The following RYR1 variants were observed in gnomAD, a reference collection of about 807,000 sequenced individuals.
RYR1 encodes the protein ryanodine receptor 1, also known as central core disease of muscle.
RYR1 carries 342 observed loss-of-function variants against 583.5 expected under a neutral mutation model. That is an observed-to-expected ratio of 0.59 (90% confidence interval 0.54 to 0.64). RYR1 has a LOEUF of 0.64. Ranked by LOEUF, RYR1 falls within the 30% of genes least tolerant of loss-of-function variation. The pLI, the probability that RYR1 is intolerant of heterozygous loss-of-function variation, is 0.00. For missense variants in RYR1, 6,032 were observed against 6,917.2 expected (o/e 0.87, Z 4.54); for synonymous variants, 2,791 against 2,822.5 (o/e 0.99, Z 0.35).
chr19:38,512,480 A>T lies in RYR1; in HGVS notation c.9469A>T (p.Ile3157Phe), dbSNP rs1374173406. ...CCAGCACCAGTTCGGAGATGACGTC[A>T]TCCGTAAGGGCGCCTGACCCAAGGG... is the stretch of plus-strand genomic sequence containing the variant. ...IAQHQFGDDVILDDVQVSCYR... is the reference protein window; with the variant it reads ...IAQHQFGDDVFLDDVQVSCYR... The change falls in exon 63 of 106, where the codon ATC becomes TTC. Residue 3157 changes from isoleucine to phenylalanine, a missense_variant. Ile to Phe is a conservative substitution (Grantham distance 21). This residue lies in a region of RYR1 where 1,493 missense variants were observed against 1,715.5 expected (regional missense o/e 0.87). Coordinates refer to ENST00000359596, the MANE Select transcript of RYR1 (RefSeq NM_000540.3). This position sits in a 1 kb window ranked among gnomAD's most constrained non-coding sequence, Gnocchi z 5.1. 3 of 1,610,572 alleles carry T rather than the reference A, an allele frequency of 1.9e-6. No homozygotes were observed. Among genetic ancestry groups the T allele is most frequent in the Non-Finnish European group, 2.5e-6 (3 of 1,180,000 alleles).
At chr19:38,449,546 A>G (rs1568441875) in intron 11 of RYR1, among the ~76,000 whole-genome samples, 1 of 152,226 alleles carries the variant, frequency 6.6e-6, no homozygotes, top group African/African-American at 2.4e-5. Context: ...AATAACTTTC[A>G]ACAAACAATT....
chr19:38,534,951 T>TG, intron 79 of RYR1, 132 bp downstream of exon 79: 1 of 1,129,492 alleles, frequency 8.9e-7, no homozygotes, highest in Non-Finnish European at 1.3e-6. Flanking sequence ...CCCCAGCCCT[T>TG]GCAGCTTCCC....
At chr19:38,521,463 C>G (rs1258129553) in intron 67 of RYR1, among the ~76,000 whole-genome samples, 2 of 151,668 alleles carry the variant, frequency 1.3e-5, no homozygotes, top group Admixed American at 1.3e-4. Context: ...CACTCAAACT[C>G]AGTCTCAAAC....
rs146159174 is a variant in RYR1, at chr19:38,502,500, G to A, written c.7615-7G>A. 1,401 of 1,603,402 alleles carry A rather than the reference G, an allele frequency of 8.7e-4. 13 individuals carry two copies. The African/African-American group carries it at 0.017, about 19-fold the overall frequency. On this transcript the variant is annotated splice_polypyrimidine_tract_variant and splice_region_variant and intron_variant, in intron 47 of 105. Coordinates refer to ENST00000359596, the MANE Select transcript of RYR1 (RefSeq NM_000540.3). The stretch of plus-strand genomic sequence containing the variant: ...AGCGGGCCTGATGTCCTCACCCTGC[G>A]CCCTAGGCCACTTTCAGCACCACCG...
chr19:38,551,606 G>A (rs773855836), intron 89 of RYR1, among the ~76,000 whole-genome samples: 22 of 151,976 alleles, frequency 1.4e-4, no homozygotes, highest in Non-Finnish European at 2.9e-4. Flanking sequence ...GCCGGCTTCC[G>A]TCCCTGTCAG....
In RYR1 at chr19:38,490,156, T is replaced by C. The variant is rs1394957449; in HGVS notation, c.5895T>C (p.Tyr1965=). Residue 1965 remains tyrosine, a synonymous_variant, in exon 36 of 106, where the codon TAT becomes TAC. Transcript: ENST00000359596. The part of the protein sequence containing the change: ...VESLAAFAER[Y]VDKLQANQRS... The stretch of plus-strand genomic sequence containing the variant: ...CCCTGGCAGCCTTTGCGGAGCGCTA[T>C]GTGGACAAGCTCCAGGCCAACCAGC... 1.9e-6 allele frequency: 3 copies of C among 1,614,270 alleles called. No individual in the cohort carries two copies. The highest frequency in any genetic ancestry group is 2.2e-5 in the East Asian group (1 of 44,890).
chr19:38,454,238 C>T (rs1474624230), intron 13 of RYR1, among the ~76,000 whole-genome samples: 1 of 152,148 alleles, frequency 6.6e-6, no homozygotes, highest in Non-Finnish European at 1.5e-5. Flanking sequence ...TGGGGTTTCG[C>T]CATGTTGGCC....
chr19:38,567,127 G>A, intron 92 of RYR1, 140 bp downstream of exon 92: 1 of 1,336,288 alleles, frequency 7.5e-7, no homozygotes, highest in Non-Finnish European at 1.0e-6. Flanking sequence ...AGGCACGGAG[G>A]AGGGGCTCTG....
Position 38,543,747 on chromosome 19 carries a change from C to T in RYR1, c.11908-24C>T, listed in dbSNP as rs76698386. On this transcript the variant is annotated intron_variant, in intron 86 of 105. Coordinates refer to ENST00000359596, the MANE Select transcript of RYR1 (RefSeq NM_000540.3). The surrounding 1 kb of genome is among the most constrained non-coding windows in gnomAD (Gnocchi z 4.4). ...TCCCTTCTCGGGGATTCCCTTCCCC[C>T]CCACACGGCACTCTGCCTCCCAGGG... 1.9e-6 allele frequency: 3 copies of T among 1,611,694 alleles called. No homozygotes were observed. The highest frequency in any genetic ancestry group is 2.5e-6 in the Non-Finnish European group (3 of 1,179,954).
intron 33 of RYR1, among the ~76,000 whole-genome samples, chr19:38,484,805 AT>A (rs897444153): frequency 1.5e-4 from 22 of 149,578 alleles, no homozygotes; most frequent in East Asian, 5.9e-4. Context: ...CCGTCTCCAC[AT>A]TTTTTTTTTC....
intron 97 of RYR1, among the ~76,000 whole-genome samples, 196 bp from the exon 98 acceptor site, chr19:38,577,722 G>A (rs1183542688): frequency 1.3e-5 from 2 of 152,110 alleles, no homozygotes; most frequent in African/African-American, 4.8e-5. Flanking sequence ...CTTGAACCCG[G>A]GAGGCACAGG....
Position 38,499,650 on chromosome 19 carries a change from A to G in RYR1, c.7043A>G (p.Glu2348Gly), listed in dbSNP as rs193922801. Residue 2348 changes from glutamate (E) to glycine (G), a missense_variant, in exon 44 of 106, where the codon GAG (glutamate) becomes GGG (glycine). Coordinates refer to ENST00000359596, the MANE Select transcript of RYR1 (RefSeq NM_000540.3). This position sits in a 1 kb window ranked among gnomAD's most constrained non-coding sequence, Gnocchi z 7.3. ...GGGTGGCCAGGCGAGAGCGTGGAGGAGAACGCCAATGTGGTGGTGCGGCTG... is the reference window on the plus strand; with the variant it reads ...GGGTGGCCAGGCGAGAGCGTGGAGGGGAACGCCAATGTGGTGGTGCGGCTG... The part of the protein sequence containing the change: ...AVFVNGESVE[E>G]NANVVVRLLI... 6.3e-6 allele frequency: 10 copies of G among 1,598,260 alleles called. No homozygotes were observed. Among genetic ancestry groups the G allele is most frequent in the African/African-American group, 5.3e-5 (4 of 74,854 alleles).
chr19:38,441,119 T>C (rs1350844092), intron 2 of RYR1, among the ~76,000 whole-genome samples: 1 of 151,428 alleles, frequency 6.6e-6, no homozygotes, highest in South Asian at 2.1e-4. Context: ...CGGGGGCTGC[T>C]GATCCAGAAC....
chr19:38,450,644 T>C (rs1367468023), intron 11 of RYR1, among the ~76,000 whole-genome samples: 1 of 152,076 alleles, frequency 6.6e-6, no homozygotes, highest in African/African-American at 2.4e-5. Flanking sequence ...AAAAGACTGG[T>C]TGGACCAGTT....
At chr19:38,535,065 G>T in intron 79 of RYR1, 76 bp from the exon 80 acceptor site, 1 of 1,448,908 alleles carries the variant, frequency 6.9e-7, no homozygotes, top group South Asian at 1.2e-5. Flanking sequence ...CATCCCTTGG[G>T]ATGGCTGTTT....
At chr19:38,466,471 G>T in intron 24 of RYR1, 73 bp downstream of exon 24, 1 of 1,332,874 alleles carries the variant, frequency 7.5e-7, no homozygotes, top group South Asian at 1.3e-5. Context: ...CCTGATCTCT[G>T]ACCTGACTCA....
Position 38,543,585 on chromosome 19 carries a change from G to A in RYR1, c.11832G>A (p.Glu3944=). 1.2e-6 allele frequency: 2 copies of A among 1,614,210 alleles called. No homozygotes were observed. Among genetic ancestry groups the A allele is most frequent in the Non-Finnish European group, 1.7e-6 (2 of 1,180,034 alleles). ...ACTCGGGCAAGGATGTCATTGAAGA[G>A]CAGGGCAAGAGGAACTTCTCCAAAG... ...WYYSGKDVIE[E]QGKRNFSKAM... Residue 3944 remains glutamate, a synonymous_variant, in exon 86 of 106, where the codon GAG becomes GAA. Coordinates refer to ENST00000359596, the MANE Select transcript of RYR1 (RefSeq NM_000540.3). The surrounding 1 kb of genome is among the most constrained non-coding windows in gnomAD (Gnocchi z 4.4).
In RYR1 at chr19:38,499,489, C is replaced by A. The variant is rs1490509720; in HGVS notation, c.7028-146C>A. On this transcript the variant is annotated intron_variant, in intron 43 of 105. Transcript: ENST00000359596. The surrounding 1 kb of genome is among the most constrained non-coding windows in gnomAD (Gnocchi z 7.3). ...TAGAGGTGTTGGGTCCTGGGGCTGG[C>A]AGGGGCCTGGTGTTACCTCTGGAGG... The A allele has an allele frequency of 2.1e-6, 2 of 966,422 alleles. No homozygotes were observed. Among genetic ancestry groups the A allele is most frequent in the Non-Finnish European group, 3.0e-6 (2 of 673,740 alleles). 59.9% of individuals were successfully genotyped at this position (966,422 alleles called of 1,614,324 possible).
intron 20 of RYR1, among the ~76,000 whole-genome samples, chr19:38,461,779 G>A (rs1473215596): frequency 1.3e-5 from 2 of 150,092 alleles, no homozygotes; most frequent in Admixed American, 1.3e-4. Flanking sequence ...AAAAGGCTGG[G>A]TGTGGTGGCT....
Sources: gnomAD v4.1 joint callset for allele counts (sites outside exome capture counted in the v4.1 genomes callset) on GRCh38, gnomAD v4.1.1 for gene constraint, gnomAD v4.1.1 regional missense constraint, Gnocchi (gnomAD v3.1) non-coding constraint, MANE v1.5 for transcripts, NCBI Gene and HGNC (gene_info 2026-07-23, HGNC 2026-07-21) for gene names.